DCLK1: variants seen among roughly 807,000 people sequenced by gnomAD.
The protein encoded by DCLK1 is serine/threonine-protein kinase DCLK1.
DCLK1 carries 16 observed loss-of-function variants against 86.2 expected under a neutral mutation model. The ratio of observed to expected loss-of-function variants is 0.19; its 90% CI spans 0.13 to 0.28. The LOEUF is 0.28. DCLK1 is among the 10% of genes least tolerant of loss of function. DCLK1 has a pLI of 1.00. For missense variants in DCLK1, 590 were observed against 940.2 expected, an observed-to-expected ratio of 0.63 and a Z score of 4.87; for synonymous variants, 369 against 370.5, an observed-to-expected ratio of 1.00 and a Z score of 0.05.
intron 10 of DCLK1, among the ~76,000 whole-genome samples, chr13:35,824,524 G>A (rs1439647095): frequency 1.3e-5 from 2 of 151,972 alleles, no homozygotes; most frequent in African/African-American, 2.4e-5. Context: ...GGTCTTATCG[G>A]TCCTTTCTTG....
chr13:36,084,839 T>C (rs996177952), intron 3 of DCLK1, among the ~76,000 whole-genome samples: 3 of 152,210 alleles, frequency 2.0e-5, no homozygotes, highest in Non-Finnish European at 4.4e-5. Flanking sequence ...CTTCCTAGGA[T>C]AGACTTATAT....
At chr13:35,775,783 A>G (rs1223023302) in intron 16 of DCLK1, among the ~76,000 whole-genome samples, 2 of 152,238 alleles carry the variant, frequency 1.3e-5, no homozygotes, top group Non-Finnish European at 2.9e-5. Flanking sequence ...TAGCTCCTTC[A>G]AAGAACAGAG....
intron 3 of DCLK1, among the ~76,000 whole-genome samples, chr13:35,989,429 A>C (rs935301756): frequency 6.6e-6 from 1 of 151,590 alleles, no homozygotes. Flanking sequence ...TCACCACCAC[A>C]CCCGGCTAAT....
intron 3 of DCLK1, among the ~76,000 whole-genome samples, chr13:36,020,519 A>G (rs961205278): frequency 6.6e-6 from 1 of 152,126 alleles, no homozygotes; most frequent in Non-Finnish European, 1.5e-5. Context: ...TTCTTCCCCT[A>G]TTCCCATTTG....
At chr13:36,078,389 C>T (rs1884290797) in intron 3 of DCLK1, among the ~76,000 whole-genome samples, 2 of 152,186 alleles carry the variant, frequency 1.3e-5, no homozygotes, top group South Asian at 4.1e-4. Flanking sequence ...CTAGATAATG[C>T]TCATGGAGTC....
intron 3 of DCLK1, among the ~76,000 whole-genome samples, chr13:36,002,034 A>T (rs1880744435): frequency 6.6e-6 from 1 of 151,714 alleles, no homozygotes; most frequent in Admixed American, 6.6e-5. Flanking sequence ...TAAAAAAAAA[A>T]TCTCTCTTTA....
Position 35,947,392 on chromosome 13 carries a change from G to C in DCLK1, c.789C>G (p.Phe263Leu). Residue 263 changes from phenylalanine to leucine, a missense_variant, in exon 4 of 17, where the codon TTC becomes TTG. By Grantham distance (22) the Phe-to-Leu change is conservative. This residue lies in a region of DCLK1 where 195 missense variants were observed against 365.1 expected (regional missense o/e 0.53). Coordinates refer to ENST00000360631, the MANE Select transcript of DCLK1 (RefSeq NM_001330071.2). ...CTAGCAAGAAATCATCCTGGTAACG[G>C]AACTTCTCCGGTCCACATGCAATAA... ...DIFIACGPEK[F>L]RYQDDFLLDE... The C allele has an allele frequency of 6.2e-7, 1 of 1,613,718 alleles. No individual in the cohort carries two copies. The highest frequency in any genetic ancestry group is 1.1e-5 in the South Asian group (1 of 91,048).
chr13:35,855,784 C>G, intron 5 of DCLK1: 1 of 1,273,142 alleles, frequency 7.9e-7, no homozygotes, highest in Non-Finnish European at 9.9e-7. Flanking sequence ...CTCTTGCCAA[C>G]AGCAACCCCC....
At chr13:35,829,066 G>A (rs1868738705) in intron 8 of DCLK1, among the ~76,000 whole-genome samples, 1 of 152,120 alleles carries the variant, frequency 6.6e-6, no homozygotes. Context: ...GAAAGAAAAT[G>A]AAGGTGACAG....
At chr13:36,055,946 G>T (rs1292092536) in intron 3 of DCLK1, among the ~76,000 whole-genome samples, 1 of 152,116 alleles carries the variant, frequency 6.6e-6, no homozygotes, top group Non-Finnish European at 1.5e-5. Flanking sequence ...TAGTGGTTTT[G>T]ATTAAAAAGT....
chr13:35,897,536 G>A (rs1048151673), intron 4 of DCLK1, among the ~76,000 whole-genome samples: 1 of 152,196 alleles, frequency 6.6e-6, no homozygotes, highest in East Asian at 1.9e-4. Context: ...GGCAAGTGGA[G>A]TCATGATAAG....
chr13:35,925,231 T>G (rs1161255605), intron 4 of DCLK1, among the ~76,000 whole-genome samples: 2 of 152,208 alleles, frequency 1.3e-5, no homozygotes, highest in African/African-American at 4.8e-5. Context: ...AGAAGCTAGT[T>G]AGAATTCTTC....
chr13:36,017,412 A>G (rs1421220245), intron 3 of DCLK1, among the ~76,000 whole-genome samples: 1 of 152,222 alleles, frequency 6.6e-6, no homozygotes, highest in Non-Finnish European at 1.5e-5. Context: ...TTGGAATTAA[A>G]TAAAATCCAG....
intron 16 of DCLK1, among the ~76,000 whole-genome samples, chr13:35,777,232 T>G (rs892154080): frequency 9.2e-5 from 14 of 152,296 alleles, no homozygotes; most frequent in African/African-American, 2.9e-4. Flanking sequence ...CATGGGCATG[T>G]GTCATGAGTG....
chr13:35,941,893 T>A (rs1010917647), intron 4 of DCLK1, among the ~76,000 whole-genome samples: 3 of 152,160 alleles, frequency 2.0e-5, no homozygotes, highest in African/African-American at 7.2e-5. Flanking sequence ...ACATAACATC[T>A]CATACTAAGC....
In DCLK1 at chr13:35,790,371, G is replaced by C. The variant is rs148994783; in HGVS notation, c.2058+2995C>G. Reference sequence around the variant, plus strand: ...ATTGGTGATCTCCAGCAGGTAGTTAGGTTTCTAACTAAGGAATGAGAAGTA... The same window carrying C: ...ATTGGTGATCTCCAGCAGGTAGTTACGTTTCTAACTAAGGAATGAGAAGTA... On this transcript the variant is annotated intron_variant, in intron 16 of 16. Transcript: ENST00000360631. Among the ~76,000 whole-genome samples the C allele has an allele frequency of 5.9e-3, 891 of 152,124 alleles. 8 individuals are homozygous for C. The highest frequency in any genetic ancestry group is 9.1e-3 in the Non-Finnish European group (621 of 67,984).
intron 4 of DCLK1, among the ~76,000 whole-genome samples, chr13:35,935,660 A>T (rs781219055): frequency 7.2e-5 from 11 of 152,170 alleles, no homozygotes; most frequent in Non-Finnish European, 1.2e-4. Context: ...AGTTCATAAG[A>T]GAAAGTTGGA....
chr13:35,889,198 A>C (rs2153118802), intron 4 of DCLK1, among the ~76,000 whole-genome samples: 1 of 152,324 alleles, frequency 6.6e-6, no homozygotes, highest in South Asian at 2.1e-4. Context: ...GATTCTCCTG[A>C]GGTCTGCTGG....
intron 3 of DCLK1, among the ~76,000 whole-genome samples, chr13:36,045,332 G>GTGTATATATA (rs1434268651): frequency 3.6e-5 from 2 of 55,776 alleles, no homozygotes; most frequent in Non-Finnish European, 6.3e-5. Flanking sequence ...GTGTGTGTGT[G>GTGTATATATA]TATATATATA....
Sources: gnomAD v4.1 joint callset for allele counts (sites outside exome capture counted in the v4.1 genomes callset) on GRCh38, gnomAD v4.1.1 for gene constraint, gnomAD v4.1.1 regional missense constraint, MANE v1.5 for transcripts, NCBI Gene and HGNC (gene_info 2026-07-23, HGNC 2026-07-21) for gene names.